RAD51B: variants seen among roughly 807,000 people sequenced by gnomAD.
RAD51B encodes DNA repair protein RAD51 homolog 2.
RAD51B carries 38 observed loss-of-function variants against 42.2 expected under a neutral mutation model. The ratio of observed to expected loss-of-function variants is 0.90; its 90% CI spans 0.70 to 1.18. The LOEUF (loss-of-function observed/expected upper bound fraction) is 1.18, where lower values mean the gene tolerates loss of function less well. Ranked by LOEUF, RAD51B falls within the 50% of genes most tolerant of loss-of-function variation. The probability of loss-of-function intolerance (pLI) is 0.00; values close to 1 mark genes in which losing one functional copy is unlikely to be tolerated. For missense variants in RAD51B, 373 were observed against 400.7 expected (o/e 0.93, Z 0.59); for synonymous variants, 154 against 145.2 (o/e 1.06, Z -0.43).
rs1491472731 is a variant in RAD51B, at chr14:68,039,427, A to AAACAG, written c.756+152225_756+152226insCAGAA. On this transcript the variant is annotated intron_variant, in intron 7 of 10. Coordinates refer to ENST00000471583, the MANE Select transcript of RAD51B (RefSeq NM_133510.4). The stretch of plus-strand genomic sequence containing the variant: ...TGGTGACAGAGCGAGACTTCATTCC[A>AAACAG]AAAAAAAAAAAAAAAAAAAAGTGTG... Among the ~76,000 whole-genome samples, 4 of 107,948 alleles carry AAACAG rather than the reference A, an allele frequency of 3.7e-5. No individual in the cohort carries two copies. The South Asian group carries it at 1.0e-3, about 27-fold the overall frequency. 70.8% of individuals were successfully genotyped at this position (107,948 alleles called of 152,430 possible).
chr14:68,322,300 G>T (rs1361991227), intron 8 of RAD51B, among the ~76,000 whole-genome samples: 1 of 152,156 alleles, frequency 6.6e-6, no homozygotes, highest in East Asian at 1.9e-4. Context: ...TTCACTCAAG[G>T]ATTTTGACAA....
rs114541537 is a variant in RAD51B, at chr14:68,210,561, T to G, written c.757-81323T>G. On this transcript the variant is annotated intron_variant, in intron 7 of 10. Transcript: ENST00000471583. ...TGACCATTGTGTGTGTCTTGTGTCT[T>G]GGTGGCCTTCAGTGAATTCTGCATG... Among the ~76,000 whole-genome samples, 857 of 152,290 alleles carry G rather than the reference T, an allele frequency of 5.6e-3. 7 individuals are homozygous for G. Among genetic ancestry groups the G allele is most frequent in the African/African-American group, 0.02 (833 of 41,552 alleles).
intron 7 of RAD51B, among the ~76,000 whole-genome samples, chr14:68,086,118 G>A (rs911363897): frequency 2.6e-5 from 4 of 152,208 alleles, no homozygotes; most frequent in African/African-American, 9.6e-5. Flanking sequence ...TGGAGAATGA[G>A]CGCAAGGTTT....
chr14:67,855,817 G>T (rs899305397), intron 4 of RAD51B, among the ~76,000 whole-genome samples: 1 of 152,200 alleles, frequency 6.6e-6, no homozygotes, highest in Non-Finnish European at 1.5e-5. Flanking sequence ...CCCACAAGTT[G>T]TAACAGCAGC....
intron 3 of RAD51B, among the ~76,000 whole-genome samples, chr14:67,834,818 G>T (rs911617468): frequency 6.6e-6 from 1 of 152,004 alleles, no homozygotes; most frequent in African/African-American, 2.4e-5. Flanking sequence ...TGTTGTAATT[G>T]CCTGGTTTCT....
At chr14:68,311,956 G>A (rs2139729880) in intron 8 of RAD51B, among the ~76,000 whole-genome samples, 1 of 152,266 alleles carries the variant, frequency 6.6e-6, no homozygotes, top group South Asian at 2.1e-4. Context: ...TTCTAATTCA[G>A]CAAACAGACC....
At chr14:68,371,069 G>GAA (rs2083252429) in intron 8 of RAD51B, among the ~76,000 whole-genome samples, 5 of 106,124 alleles carry the variant, frequency 4.7e-5, no homozygotes, top group South Asian at 3.0e-4. Flanking sequence ...AAAAAGAAAA[G>GAA]AAAATTAAAA....
At chr14:68,584,080 C>T (rs1890339235) in intron 10 of RAD51B, among the ~76,000 whole-genome samples, 1 of 152,180 alleles carries the variant, frequency 6.6e-6, no homozygotes, top group Non-Finnish European at 1.5e-5. Flanking sequence ...CCCCACCCCC[C>T]ATGCTGGGGC....
chr14:68,268,511 G>A (rs1490723964), intron 7 of RAD51B, among the ~76,000 whole-genome samples: 1 of 152,152 alleles, frequency 6.6e-6, no homozygotes, highest in Admixed American at 6.5e-5. Context: ...TGGGAGTTAC[G>A]GATTCCTGGC....
intron 8 of RAD51B, among the ~76,000 whole-genome samples, chr14:68,398,104 C>T (rs1037278745): frequency 2.6e-5 from 4 of 152,210 alleles, no homozygotes; most frequent in Non-Finnish European, 5.9e-5. Flanking sequence ...TCCACCATGA[C>T]GTGCTCTCCA....
intron 7 of RAD51B, among the ~76,000 whole-genome samples, chr14:68,042,843 C>T (rs1372730647): frequency 6.6e-6 from 1 of 152,176 alleles, no homozygotes; most frequent in African/African-American, 2.4e-5. Context: ...GAACATTTTA[C>T]AATTTCCATA....
chr14:67,830,821 G>A (rs1047154142), intron 3 of RAD51B, among the ~76,000 whole-genome samples: 2 of 151,988 alleles, frequency 1.3e-5, no homozygotes, highest in Admixed American at 6.6e-5. Flanking sequence ...CATTTCCTGA[G>A]ATCAGGAATA....
chr14:68,350,582 G>A (rs530938787), intron 8 of RAD51B, among the ~76,000 whole-genome samples: 2 of 152,212 alleles, frequency 1.3e-5, no homozygotes, highest in African/African-American at 2.4e-5. Context: ...CTGAAATATC[G>A]TGTGTGGTCT....
At chr14:68,476,045 GA>G (rs35479070) in intron 10 of RAD51B, among the ~76,000 whole-genome samples, 8,702 of 127,602 alleles carry the variant, frequency 0.068, 636 homozygotes, top group African/African-American at 0.2. Flanking sequence ...ATATAAGGCT[GA>G]AAAAAAAAAA....
chr14:68,602,510 A>C (rs72729544), intron 10 of RAD51B, among the ~76,000 whole-genome samples: 37,263 of 142,588 alleles, frequency 0.26, 5,264 homozygotes, highest in East Asian at 0.51. Context: ...GGATAGCTAG[A>C]TAGATAGCTA....
At chr14:68,636,258 C>T (rs545854524) in intron 10 of RAD51B, among the ~76,000 whole-genome samples, 36 of 152,244 alleles carry the variant, frequency 2.4e-4, no homozygotes, top group South Asian at 2.1e-3. Flanking sequence ...TTTGACAGGA[C>T]ATTCAGATAA....
chr14:68,249,799 T>TA (rs1220161205), intron 7 of RAD51B, among the ~76,000 whole-genome samples: 1 of 152,158 alleles, frequency 6.6e-6, no homozygotes, highest in Non-Finnish European at 1.5e-5. Context: ...AGGTTAGAGA[T>TA]ATGGGGGTCT....
chr14:68,572,789 G>A (rs1368459036), intron 10 of RAD51B, among the ~76,000 whole-genome samples: 1 of 152,106 alleles, frequency 6.6e-6, no homozygotes, highest in East Asian at 1.9e-4. Context: ...TCTCCAAATT[G>A]CCAGTGTCAT....
intron 5 of RAD51B, 89 bp downstream of exon 5, chr14:67,865,228 C>A (rs533085887): frequency 3.3e-6 from 4 of 1,223,242 alleles, no homozygotes; most frequent in East Asian, 2.9e-5. Context: ...CATTTACCAC[C>A]CCTCCCCCTT....
Sources: gnomAD v4.1 joint callset for allele counts (sites outside exome capture counted in the v4.1 genomes callset) on GRCh38, gnomAD v4.1.1 for gene constraint, MANE v1.5 for transcripts, NCBI Gene and HGNC (gene_info 2026-07-23, HGNC 2026-07-21) for gene names.